Variants in QSER1 observed in about 807,000 individuals in gnomAD.
QSER1 encodes glutamine and serine rich 1.
Under a neutral mutation model 158.5 loss-of-function variants are expected in QSER1, and 49 were observed. The ratio of observed to expected loss-of-function variants is 0.31; its 90% CI spans 0.25 to 0.39. The LOEUF is 0.39. Ranked by LOEUF, QSER1 falls within the 10% of genes least tolerant of loss-of-function variation. The probability of loss-of-function intolerance (pLI) is 1.00; values close to 1 mark genes in which losing one functional copy is unlikely to be tolerated. For missense variants in QSER1, 1,754 were observed against 2,010.3 expected (o/e 0.87, Z 2.44); for synonymous variants, 650 against 715.5 (o/e 0.91, Z 1.46).
At chr11:32,915,296 C>A (rs776647537) in intron 1 of QSER1, among the ~76,000 whole-genome samples, 4 of 152,096 alleles carry the variant, frequency 2.6e-5, no homozygotes, top group Admixed American at 6.5e-5. Flanking sequence ...AAAATTCTAA[C>A]CTTCCTTGTC....
At chr11:32,929,661 G>C (rs1172871336) in intron 3 of QSER1, among the ~76,000 whole-genome samples, 2 of 152,130 alleles carry the variant, frequency 1.3e-5, no homozygotes, top group African/African-American at 4.8e-5. Context: ...TACACCATTA[G>C]TTGGAAGAAG....
At chr11:32,964,717 C>CATATATATATATATATATATATATATAT (rs375985842) in intron 8 of QSER1, among the ~76,000 whole-genome samples, 1 of 64,254 alleles carries the variant, frequency 1.6e-5, no homozygotes, top group Non-Finnish European at 2.6e-5. Flanking sequence ...AAAAAAACAC[C>CATATATATATATATATATATATATATAT]ATATATATAT....
chr11:32,937,434 G>A (rs140763641), intron 4 of QSER1, among the ~76,000 whole-genome samples: 2,827 of 152,128 alleles, frequency 0.019, 45 homozygotes, highest in South Asian at 0.038. Flanking sequence ...ATAGGCACAT[G>A]CCACCATGCC....
intron 1 of QSER1, among the ~76,000 whole-genome samples, chr11:32,904,189 CTTT>C (rs370789790): frequency 1.5e-5 from 2 of 137,214 alleles, no homozygotes; most frequent in Admixed American, 7.4e-5. Context: ...ATTTCTTTTT[CTTT>C]TTTTTTTTTT....
chr11:32,963,455 G>T (rs370899848), intron 8 of QSER1, among the ~76,000 whole-genome samples: 70 of 152,228 alleles, frequency 4.6e-4, no homozygotes, highest in Admixed American at 1.2e-3. Flanking sequence ...AGGTTCAAGC[G>T]ATTCTCCTGC....
rs377630516 is a variant in QSER1 at position 32,904,197 on chromosome 11, T to C, written c.209+10863T>C. On this transcript the variant is annotated intron_variant, in intron 1 of 12. Transcript: ENST00000650167. ...AGTAAGCATTTCTTTTTCTTTTTTT[T>C]TTTTTTTTGTAGGGGAACAGAGTCT... Among the ~76,000 whole-genome samples the C allele has an allele frequency of 3.7e-3, 565 of 151,344 alleles. 10 individuals carry two copies. The highest frequency in any genetic ancestry group is 6.7e-3 in the Non-Finnish European group (456 of 67,808).
chr11:32,932,976 A>G lies in QSER1; in HGVS notation c.1718A>G (p.Tyr573Cys), dbSNP rs560901682. 8.7e-6 allele frequency: 14 copies of G among 1,612,780 alleles called. 2 individuals are homozygous for G. The South Asian group carries it at 1.1e-4, about 13-fold the overall frequency. ...LSPVSQTQVS[Y>C]SSQSQVLSVV... ...CCAGTTAGCCAGACACAGGTTAGCTATTCATCTCAATCACAAGTTTTGTCA... is the reference window on the plus strand; with the variant it reads ...CCAGTTAGCCAGACACAGGTTAGCTGTTCATCTCAATCACAAGTTTTGTCA... Residue 573 changes from tyrosine to cysteine, a missense_variant, in exon 4 of 13, where the codon TAT (tyrosine) becomes TGT (cysteine). Physicochemically the swap from Tyr to Cys is radical, Grantham distance 194. This residue lies in a region of QSER1 where 1,707 missense variants were observed against 1,919.6 expected (regional missense o/e 0.89). Transcript: ENST00000650167.
intron 1 of QSER1, among the ~76,000 whole-genome samples, chr11:32,909,075 G>T (rs1430077003): frequency 6.6e-6 from 1 of 152,134 alleles, no homozygotes; most frequent in East Asian, 1.9e-4. Context: ...CAGGGGAATC[G>T]CTTGAACCCA....
chr11:32,928,486 G>A (rs1852004552), intron 3 of QSER1, among the ~76,000 whole-genome samples: 1 of 152,024 alleles, frequency 6.6e-6, no homozygotes, highest in Non-Finnish European at 1.5e-5. Context: ...AAAATCTTGG[G>A]ACTCATTTCA....
In QSER1 at chr11:32,934,338, A is replaced by T. The variant is rs1476819548; in HGVS notation, c.3080A>T (p.His1027Leu). 2 of 1,614,002 alleles carry T rather than the reference A, an allele frequency of 1.2e-6. No homozygotes were observed. Among genetic ancestry groups the T allele is most frequent in the Admixed American group, 3.3e-5 (2 of 59,962 alleles). ...SHFQQSLDVR[H>L]VTSDFNSMTA... is the part of the protein sequence containing the mutation. Reference sequence around the variant, plus strand: ...TTTCAGCAGTCATTAGATGTCAGGCATGTGACTTCAGATTTTAACTCTATG... The same window carrying T: ...TTTCAGCAGTCATTAGATGTCAGGCTTGTGACTTCAGATTTTAACTCTATG... Residue 1027 changes from histidine (H) to leucine (L), a missense_variant, in exon 4 of 13, where the codon CAT becomes CTT. Around this residue, in one of 2 missense-constraint regions of QSER1, gnomAD observed 1,707 missense variants for 1,919.6 expected, o/e 0.89. Coordinates refer to ENST00000650167, the MANE Select transcript of QSER1 (RefSeq NM_001076786.3).
intron 3 of QSER1, among the ~76,000 whole-genome samples, chr11:32,931,478 T>C (rs940169302): frequency 6.6e-6 from 1 of 151,910 alleles, no homozygotes; most frequent in Non-Finnish European, 1.5e-5. Flanking sequence ...CTTGGGACAC[T>C]GCGGCTGCAG....
Position 32,932,526 on chromosome 11 carries a change from C to T in QSER1, c.1268C>T (p.Thr423Ile). ...GAACAACCACTGACATCAACCAAGA[C>T]CCCTAAACCTCAAAGTATAATTCCT... ...STEQPLTSTK[T>I]PKPQSIIPPV... The change falls in exon 4 of 13, where the codon ACC (threonine) becomes ATC (isoleucine). Residue 423 changes from threonine to isoleucine, a missense_variant. Physicochemically the swap from Thr to Ile is moderately conservative, Grantham distance 89 (BLOSUM62 -1). This residue lies in a region of QSER1 where 1,707 missense variants were observed against 1,919.6 expected (regional missense o/e 0.89). Coordinates refer to ENST00000650167, the MANE Select transcript of QSER1 (RefSeq NM_001076786.3). 6.2e-7 allele frequency: 1 copy of T among 1,614,124 alleles called. No homozygotes were observed. Among genetic ancestry groups the T allele is most frequent in the East Asian group, 2.2e-5 (1 of 44,882 alleles).
Position 32,934,439 on chromosome 11 carries a change from C to T in QSER1, c.3181C>T (p.Pro1061Ser), listed in dbSNP as rs767099577. Residue 1061 changes from proline to serine, a missense_variant, in exon 4 of 13, where the codon CCA (proline) becomes TCA (serine). Transcript: ENST00000650167. ...AAATCAGGTTACTGTGAACCTTTCA[C>T]CAGTACCTGCCCTTCAGTCAAAAAT... ...NGNQVTVNLS[P>S]VPALQSKMTL... The T allele has an allele frequency of 1.9e-6, 3 of 1,613,838 alleles. No homozygotes were observed. The highest frequency in any genetic ancestry group is 1.1e-5 in the South Asian group (1 of 91,080).
At position 32,934,122 on chromosome 11, in the gene QSER1, A is replaced by C; in HGVS notation, c.2864A>C (p.Gln955Pro). Residue 955 changes from glutamine (Q) to proline (P), a missense_variant, in exon 4 of 13, where the codon CAG becomes CCG. Around this residue, in one of 2 missense-constraint regions of QSER1, gnomAD observed 1,707 missense variants for 1,919.6 expected, o/e 0.89. Coordinates refer to ENST00000650167, the MANE Select transcript of QSER1 (RefSeq NM_001076786.3). ...SETNQHDSKN[Q>P]FVSLGSMCFP... is the part of the protein sequence containing the mutation. Reference sequence around the variant, plus strand: ...ACAAATCAACATGATTCAAAGAATCAGTTTGTTTCTCTTGGATCGATGTGT... The same window carrying C: ...ACAAATCAACATGATTCAAAGAATCCGTTTGTTTCTCTTGGATCGATGTGT... The C allele has an allele frequency of 6.2e-7, 1 of 1,613,986 alleles. No individual in the cohort carries two copies. The highest frequency in any genetic ancestry group is 8.5e-7 in the Non-Finnish European group (1 of 1,179,916).
In QSER1 at chr11:32,909,887, T is replaced by C. The variant is rs530644472; in HGVS notation, c.209+16553T>C. On this transcript the variant is annotated intron_variant, in intron 1 of 12. Coordinates refer to ENST00000650167, the MANE Select transcript of QSER1 (RefSeq NM_001076786.3). ...AGGATTCCCTTGGTATCGATTTTAG[T>C]TCGGAAACTAAGGGAAGTTGTGTAG... Among the ~76,000 whole-genome samples the C allele has an allele frequency of 1.2e-4, 19 of 152,282 alleles. No individual in the cohort carries two copies. The East Asian group carries it at 2.3e-3, about 19-fold the overall frequency.
At chr11:32,919,799 G>T (rs577765023) in intron 1 of QSER1, among the ~76,000 whole-genome samples, 6 of 152,184 alleles carry the variant, frequency 3.9e-5, no homozygotes, top group Admixed American at 6.5e-5. Flanking sequence ...TTATTCAATC[G>T]TTTATCAGTA....
chr11:32,973,501 T>C lies in QSER1; in HGVS notation c.5310T>C (p.Tyr1770=), dbSNP rs191260634. The change falls in exon 11 of 13, where the codon TAT becomes TAC. Residue 1770 remains tyrosine, a synonymous_variant. Transcript: ENST00000650167. Reference sequence around the variant, plus strand: ...AAATCAAAATGAATGGCAAAGCCTATAATAAGAAAACTCTAAGGACTTCTA... The same window carrying C: ...AAATCAAAATGAATGGCAAAGCCTACAATAAGAAAACTCTAAGGACTTCTA... ...ISKIKMNGKA[Y]NKKTLRTSKT... 6.4e-5 allele frequency: 104 copies of C among 1,613,398 alleles called. 1 individual carries two copies. In the Admixed American group the frequency reaches 1.7e-3, roughly 26 times the overall value.
At chr11:32,954,357 T>C (rs574271463) in intron 5 of QSER1, among the ~76,000 whole-genome samples, 178 bp downstream of exon 5, 1 of 152,364 alleles carries the variant, frequency 6.6e-6, no homozygotes, top group African/African-American at 2.4e-5. Flanking sequence ...AAGATAATTT[T>C]AACCTTAACT....
Position 32,969,155 on chromosome 11 carries a change from T to A in QSER1, c.5205+12T>A. On this transcript the variant is annotated intron_variant, in intron 10 of 12. Transcript: ENST00000650167. ...ATCAATCATTCAAGGTATTTCCTTC[T>A]GATGACTTATTAGCAAAACTCAATG... 6.7e-7 allele frequency: 1 copy of A among 1,486,720 alleles called. No individual in the cohort carries two copies. Among genetic ancestry groups the A allele is most frequent in the Non-Finnish European group, 9.3e-7 (1 of 1,076,076 alleles). The allele number at this position is 1,486,720 out of a possible 1,614,324, so 92.1% of individuals were successfully genotyped here.
Sources: allele counts gnomAD v4.1 joint callset (sites outside exome capture counted in the v4.1 genomes callset), GRCh38; gene constraint gnomAD v4.1.1; regional missense constraint gnomAD v4.1.1; transcripts MANE v1.5; gene names NCBI Gene and HGNC (gene_info 2026-07-23, HGNC 2026-07-21).